ERI3: variants seen among roughly 807,000 people sequenced by gnomAD.
ERI3 encodes ERI1 exoribonuclease family member 3.
In ERI3, 18 loss-of-function variants were observed where a neutral mutation model predicts 44.4. The observed-to-expected ratio is 0.41, with a 90% CI of 0.28 to 0.60. The LOEUF is 0.60. Ranked by LOEUF, ERI3 falls within the 20% of genes least tolerant of loss-of-function variation. ERI3 has a pLI of 0.36. For synonymous variants in ERI3, 183 were observed against 164.8 expected (o/e 1.11, Z -0.84); for missense variants, 294 against 435.5 (o/e 0.68, Z 2.89).
chr1:44,244,961 A>T (rs1000300164), intron 8 of ERI3, among the ~76,000 whole-genome samples: 1 of 151,784 alleles, frequency 6.6e-6, no homozygotes, highest in Non-Finnish European at 1.5e-5. Context: ...AAGCCACCCA[A>T]TGCTGCCTTA....
At chr1:44,268,405 G>A (rs1337304483) in intron 7 of ERI3, among the ~76,000 whole-genome samples, 2 of 152,178 alleles carry the variant, frequency 1.3e-5, no homozygotes, top group African/African-American at 2.4e-5. Flanking sequence ...TGAGGGCACT[G>A]TACCATACAT....
At position 44,339,118 on chromosome 1, in the gene ERI3, G is replaced by C; in HGVS notation, c.416C>G (p.Pro139Arg). The C allele has an allele frequency of 6.2e-7, 1 of 1,614,120 alleles. No homozygotes were observed. The highest frequency in any genetic ancestry group is 8.5e-7 in the Non-Finnish European group (1 of 1,180,016). Residue 139 changes from proline (P) to arginine (R), a missense_variant, in exon 3 of 9, where the codon CCT (proline) becomes CGT (arginine). Around this residue, in one of 2 missense-constraint regions of ERI3, gnomAD observed 187 missense variants for 338.6 expected, o/e 0.55. Coordinates refer to ENST00000372257, the MANE Select transcript of ERI3 (RefSeq NM_024066.3). ...GASMAAMVSFPPQRYHYFLVL... is the reference protein window; with the variant it reads ...GASMAAMVSFRPQRYHYFLVL... ...TAAAAAGTAGTGATACCTCTGGGGA[G>C]GGAAGGACACCATTGCCGCCATGGA...
intron 6 of ERI3, among the ~76,000 whole-genome samples, chr1:44,286,329 G>A (rs886339371): frequency 1.3e-5 from 2 of 152,128 alleles, no homozygotes; most frequent in Non-Finnish European, 2.9e-5. Context: ...TGCTTGATAC[G>A]CAATAAGCAC....
chr1:44,268,197 T>C (rs1645025961), intron 7 of ERI3, among the ~76,000 whole-genome samples: 1 of 152,196 alleles, frequency 6.6e-6, no homozygotes, highest in Non-Finnish European at 1.5e-5. Context: ...CCATCTTCCC[T>C]ACCAGACCAG....
intron 7 of ERI3, among the ~76,000 whole-genome samples, chr1:44,264,023 C>T (rs547382287): frequency 6.6e-6 from 1 of 152,326 alleles, no homozygotes; most frequent in African/African-American, 2.4e-5. Context: ...TTCCCTCACT[C>T]CCTGAGTATT....
intron 7 of ERI3, among the ~76,000 whole-genome samples, chr1:44,266,461 A>G (rs545757819): frequency 1.3e-5 from 2 of 152,340 alleles, no homozygotes; most frequent in Admixed American, 6.5e-5. Context: ...AGATCAGTAC[A>G]TTGATAGTCT....
chr1:44,281,780 T>C (rs1170019200), intron 7 of ERI3, among the ~76,000 whole-genome samples: 1 of 151,744 alleles, frequency 6.6e-6, no homozygotes, highest in African/African-American at 2.4e-5. Flanking sequence ...TGCATATACA[T>C]GAAGGCATGT....
At chr1:44,342,811 T>C (rs2905822) in intron 2 of ERI3, among the ~76,000 whole-genome samples, 48,133 of 70,556 alleles carry the variant, frequency 0.68, 16,053 homozygotes, top group East Asian at 0.83. Context: ...CACATCCAGC[T>C]AATATATATA....
At chr1:44,315,341 A>T (rs573978567) in intron 4 of ERI3, among the ~76,000 whole-genome samples, 1 of 152,314 alleles carries the variant, frequency 6.6e-6, no homozygotes, top group East Asian at 1.9e-4. Flanking sequence ...CCCTGGAGAT[A>T]AGGCTTAGGT....
intron 4 of ERI3, among the ~76,000 whole-genome samples, chr1:44,318,087 T>C (rs1199169150): frequency 1.3e-5 from 2 of 152,198 alleles, no homozygotes; most frequent in Non-Finnish European, 2.9e-5. Flanking sequence ...CTGTTCATCA[T>C]AGTCTCACAA....
intron 7 of ERI3, among the ~76,000 whole-genome samples, chr1:44,251,316 C>T (rs1163603364): frequency 1.3e-5 from 2 of 152,268 alleles, no homozygotes; most frequent in Admixed American, 6.5e-5. Context: ...ACAAATGCAT[C>T]GGACTTGCCC....
chr1:44,355,197 G>A lies in ERI3; in HGVS notation c.-171C>T. On this transcript the variant is annotated 5_prime_UTR_variant, in exon 1 of 9. Transcript: ENST00000372257. ...GGGCCAGCTCCGCCCGCTCCCCACC[G>A]CCCGTTCCCGGCCGCCTGAACAGCG... 5.8e-6 allele frequency: 7 copies of A among 1,197,438 alleles called. No individual in the cohort carries two copies. Among genetic ancestry groups the A allele is most frequent in the Non-Finnish European group, 7.2e-6 (7 of 965,864 alleles). The allele number at this position is 1,197,438 out of a possible 1,614,324, so 74.2% of individuals were successfully genotyped here.
intron 7 of ERI3, among the ~76,000 whole-genome samples, chr1:44,260,306 G>A (rs563733946): frequency 6.6e-6 from 1 of 152,344 alleles, no homozygotes; most frequent in African/African-American, 2.4e-5. Context: ...GCCCAGAATG[G>A]TGTGTGTTGC....
In ERI3 at chr1:44,352,907, G is replaced by A; in HGVS notation, c.154C>T (p.Leu52Phe). ...QHPGHWGFPA[L>F]TEPSASPAAG... ...GCTGGGGATGCTGAAGGTTCTGTGAGAGCTGGAAAGCCCCAATGCTGTGGA... is the reference window on the plus strand; with the variant it reads ...GCTGGGGATGCTGAAGGTTCTGTGAAAGCTGGAAAGCCCCAATGCTGTGGA... Residue 52 changes from leucine to phenylalanine, a missense_variant, in exon 2 of 9, where the codon CTC becomes TTC. Physicochemically the swap from Leu to Phe is conservative, Grantham distance 22. Coordinates refer to ENST00000372257, the MANE Select transcript of ERI3 (RefSeq NM_024066.3). 5.0e-6 allele frequency: 8 copies of A among 1,614,154 alleles called. No homozygotes were observed. The highest frequency in any genetic ancestry group is 5.9e-6 in the Non-Finnish European group (7 of 1,180,022).
At position 44,228,110 on chromosome 1, in the gene ERI3, C is replaced by T. The variant is rs1338113978; in HGVS notation, c.932-6470G>A. Among the ~76,000 whole-genome samples the T allele has an allele frequency of 1.3e-5, 2 of 152,002 alleles. No homozygotes were observed. The highest frequency in any genetic ancestry group is 2.9e-5 in the Non-Finnish European group (2 of 68,010). On this transcript the variant is annotated intron_variant, in intron 8 of 8. Coordinates refer to ENST00000372257, the MANE Select transcript of ERI3 (RefSeq NM_024066.3). The surrounding 1 kb of genome is among the most constrained non-coding windows in gnomAD (Gnocchi z 4.3). ...CCATTCACGGCCACCTTGGCCCACC[C>T]GACCCACTTCCTAGACACACACTCC...
chr1:44,343,943 T>C (rs1371921639), intron 2 of ERI3, among the ~76,000 whole-genome samples: 1 of 152,116 alleles, frequency 6.6e-6, no homozygotes, highest in Admixed American at 6.5e-5. Context: ...TTTTTAAAAT[T>C]GTTTTTTAAA....
chr1:44,232,907 G>C (rs768120314), intron 8 of ERI3, among the ~76,000 whole-genome samples: 1 of 152,174 alleles, frequency 6.6e-6, no homozygotes, highest in Non-Finnish European at 1.5e-5. Context: ...AAAAGTCATA[G>C]TTTCTGTCCT....
At chr1:44,303,360 C>A (rs1453430550) in intron 6 of ERI3, among the ~76,000 whole-genome samples, 4 of 152,240 alleles carry the variant, frequency 2.6e-5, no homozygotes, top group African/African-American at 9.7e-5. Flanking sequence ...ATGAATGCTT[C>A]CTAAATCTAC....
intron 5 of ERI3, among the ~76,000 whole-genome samples, chr1:44,312,159 A>G (rs190138657): frequency 2.6e-5 from 4 of 151,908 alleles, no homozygotes; most frequent in African/African-American, 7.2e-5. Context: ...TCTCTCGGCT[A>G]AAAAAAAGGT....
Sources: gnomAD v4.1 joint callset for allele counts (sites outside exome capture counted in the v4.1 genomes callset) on GRCh38, gnomAD v4.1.1 for gene constraint, gnomAD v4.1.1 regional missense constraint, Gnocchi (gnomAD v3.1) non-coding constraint, MANE v1.5 for transcripts, NCBI Gene and HGNC (gene_info 2026-07-23, HGNC 2026-07-21) for gene names.